The following NOL4L variants were observed in gnomAD, a reference collection of about 807,000 sequenced individuals.
NOL4L encodes the protein nucleolar protein 4-like.
Under a neutral mutation model 64.5 loss-of-function variants are expected in NOL4L, and 7 were observed. The ratio of observed to expected loss-of-function variants is 0.11; its 90% CI spans 0.06 to 0.20. The LOEUF is 0.20. Ranked by LOEUF, NOL4L falls within the 10% of genes least tolerant of loss-of-function variation. NOL4L has a pLI of 1.00. For synonymous variants in NOL4L, 413 were observed against 401.0 expected, an observed-to-expected ratio of 1.03 and a Z score of -0.36; for missense variants, 680 against 967.1, an observed-to-expected ratio of 0.70 and a Z score of 3.94.
At chr20:32,501,413 T>C (rs1179798417) in intron 4 of NOL4L, among the ~76,000 whole-genome samples, 1 of 152,198 alleles carries the variant, frequency 6.6e-6, no homozygotes, top group Non-Finnish European at 1.5e-5. Flanking sequence ...TGGAATTAAA[T>C]GTTACAATGA....
intron 1 of NOL4L, chr20:32,535,507 C>A: frequency 5.8e-6 from 5 of 856,388 alleles, no homozygotes; most frequent in Non-Finnish European, 7.0e-6. Context: ...CCGCCACCAC[C>A]GAGTCGCACC....
intron 4 of NOL4L, among the ~76,000 whole-genome samples, chr20:32,492,544 G>A (rs2016508339): frequency 6.6e-6 from 1 of 152,154 alleles, no homozygotes; most frequent in Non-Finnish European, 1.5e-5. Context: ...ACTGAGTGAT[G>A]CGTGCTCTTT....
rs923982842 is a variant in NOL4L, at chr20:32,464,469, T to C, written c.842-8074A>G. On this transcript the variant is annotated intron_variant, in intron 5 of 10. Transcript: ENST00000621426. This position sits in a 1 kb window ranked among gnomAD's most constrained non-coding sequence, Gnocchi z 5.6. ...CTCTGTCCCTGTGGTTCACACAGCC[T>C]GGCCCGGCCCCAGCCACGGAGCAGG... Among the ~76,000 whole-genome samples the C allele has an allele frequency of 2.0e-5, 3 of 152,216 alleles. No individual in the cohort carries two copies. Among genetic ancestry groups the C allele is most frequent in the Non-Finnish European group, 4.4e-5 (3 of 68,030 alleles).
intron 5 of NOL4L, 94 bp from the exon 6 acceptor site, chr20:32,456,489 T>G: frequency 8.0e-7 from 1 of 1,256,428 alleles, no homozygotes; most frequent in Non-Finnish European, 1.0e-6. Flanking sequence ...TCCTCATGAG[T>G]GTCCCTGGGT....
At chr20:32,449,584 C>T (rs1236253958) in intron 10 of NOL4L, among the ~76,000 whole-genome samples, 3 of 152,190 alleles carry the variant, frequency 2.0e-5, no homozygotes, top group African/African-American at 4.8e-5. Flanking sequence ...TTCTAAATAG[C>T]GTCCTTGGAA....
chr20:32,458,958 G>A (rs949551116), intron 5 of NOL4L, among the ~76,000 whole-genome samples: 2 of 152,210 alleles, frequency 1.3e-5, no homozygotes, highest in African/African-American at 4.8e-5. Flanking sequence ...TCAGATGCCC[G>A]GCACGGGGGC....
chr20:32,565,403 G>A (rs1979364682), intron 1 of NOL4L, among the ~76,000 whole-genome samples: 1 of 152,174 alleles, frequency 6.6e-6, no homozygotes, highest in African/African-American at 2.4e-5. Flanking sequence ...ACCTGGTCGG[G>A]GACCACAAAT....
intron 1 of NOL4L, among the ~76,000 whole-genome samples, chr20:32,577,292 C>T (rs889805374): frequency 3.9e-5 from 6 of 152,206 alleles, no homozygotes; most frequent in Non-Finnish European, 2.9e-5. Context: ...GGCGTCCATA[C>T]AGGAGAAGGG....
chr20:32,470,780 T>C (rs968632650), intron 5 of NOL4L, among the ~76,000 whole-genome samples: 7 of 152,142 alleles, frequency 4.6e-5, no homozygotes, highest in Admixed American at 4.6e-4. Context: ...GCGCCCCAAG[T>C]GTGTGGAGAG....
chr20:32,545,457 G>T (rs2018718564), intron 1 of NOL4L, among the ~76,000 whole-genome samples: 1 of 152,194 alleles, frequency 6.6e-6, no homozygotes, highest in African/African-American at 2.4e-5. Context: ...TCTGCTGCCG[G>T]ACAGCCGACT....
chr20:32,480,007 CAGG>C (rs999294676), intron 4 of NOL4L, among the ~76,000 whole-genome samples: 2 of 152,190 alleles, frequency 1.3e-5, no homozygotes, highest in Admixed American at 1.3e-4. Flanking sequence ...CTGCCCAGCC[CAGG>C]AGGAGGAGAA....
intron 5 of NOL4L, among the ~76,000 whole-genome samples, chr20:32,465,671 G>A (rs73246588): frequency 0.047 from 7,163 of 152,324 alleles, 570 homozygotes; most frequent in African/African-American, 0.16. Context: ...AATGATTCAC[G>A]GGGCAGGGCC....
chr20:32,535,201 T>C (rs1447456104), intron 1 of NOL4L, among the ~76,000 whole-genome samples: 3 of 151,730 alleles, frequency 2.0e-5, no homozygotes, highest in Non-Finnish European at 4.4e-5. Flanking sequence ...AGAGAGGGTA[T>C]TGCTTCACTG....
In NOL4L at chr20:32,460,460, GCC is replaced by G. The variant is rs1280908500; in HGVS notation, c.842-4067_842-4066del. ...CTCTGGGGGCTGCCTGCAACCTGAGGCCCATGTTTTGCCGACTGGGGAGGCCA... is the reference window on the plus strand; with the variant it reads ...CTCTGGGGGCTGCCTGCAACCTGAGGCATGTTTTGCCGACTGGGGAGGCCA... On this transcript the variant is annotated intron_variant, in intron 5 of 10. Coordinates refer to ENST00000621426, the MANE Select transcript of NOL4L (RefSeq NM_001256798.2). This position sits in a 1 kb window ranked among gnomAD's most constrained non-coding sequence, Gnocchi z 5.7. Among the ~76,000 whole-genome samples, 5 of 152,298 alleles carry G rather than the reference GCC, an allele frequency of 3.3e-5. No individual in the cohort carries two copies. In the East Asian group the frequency reaches 9.6e-4, roughly 29 times the overall value.
intron 2 of NOL4L, among the ~76,000 whole-genome samples, chr20:32,522,892 A>C (rs2017995411): frequency 6.6e-6 from 1 of 152,180 alleles, no homozygotes. Context: ...CCAGGTCCCT[A>C]CCATGAGGGC....
At chr20:32,537,145 A>C (rs982894243) in intron 1 of NOL4L, 1 of 983,668 alleles carries the variant, frequency 1.0e-6, no homozygotes, top group African/African-American at 1.7e-5. Context: ...AGCGCCCGCT[A>C]TGTGCCAGGC....
rs150591065 is a variant in NOL4L, at chr20:32,456,343, T to C, written c.894A>G (p.Pro298=). Residue 298 remains proline, a synonymous_variant, in exon 6 of 11, where the codon CCA becomes CCG. Coordinates refer to ENST00000621426, the MANE Select transcript of NOL4L (RefSeq NM_001256798.2). ...GSGNGSSTLN[P]STSSSTQGDP... is the part of the protein sequence containing the mutation. ...CGCCCTGCGTGCTGCTCGACGTGGATGGGTTCAGGGTGGAGGAGCCATTGC... is the reference window on the plus strand; with the variant it reads ...CGCCCTGCGTGCTGCTCGACGTGGACGGGTTCAGGGTGGAGGAGCCATTGC... The C allele has an allele frequency of 9.1e-4, 1,404 of 1,539,396 alleles. No homozygotes were observed. The highest frequency in any genetic ancestry group is 1.1e-3 in the Non-Finnish European group (1,200 of 1,139,488).
chr20:32,498,511 C>T (rs1259852779), intron 4 of NOL4L, among the ~76,000 whole-genome samples: 1 of 151,826 alleles, frequency 6.6e-6, no homozygotes, highest in Non-Finnish European at 1.5e-5. Context: ...GCCTGTCATT[C>T]CAGCACTTTA....
chr20:32,446,841 G>A lies in NOL4L; in HGVS notation c.*755C>T, dbSNP rs1207321863. The stretch of plus-strand genomic sequence containing the variant: ...CCATGGACTGGGGCTTCTGTAGAAT[G>A]GGGTCGGGGTGCCTCTTTTGTTTTG... On this transcript the variant is annotated 3_prime_UTR_variant, in exon 11 of 11. Coordinates refer to ENST00000621426, the MANE Select transcript of NOL4L (RefSeq NM_001256798.2). The A allele has an allele frequency of 4.6e-6, 1 of 216,050 alleles. No individual in the cohort carries two copies. The highest frequency in any genetic ancestry group is 9.3e-6 in the Non-Finnish European group (1 of 107,100). The allele number at this position is 216,050 out of a possible 1,614,324, so 13.4% of individuals were successfully genotyped here.
Sources: allele counts gnomAD v4.1 joint callset (sites outside exome capture counted in the v4.1 genomes callset), GRCh38; gene constraint gnomAD v4.1.1; non-coding constraint Gnocchi (gnomAD v3.1); transcripts MANE v1.5; gene names NCBI Gene and HGNC (gene_info 2026-07-23, HGNC 2026-07-21).